MIPOL1: variants seen among roughly 807,000 people sequenced by gnomAD.
MIPOL1 encodes the protein mirror-image polydactyly gene 1 protein.
Under a neutral mutation model 60.9 loss-of-function variants are expected in MIPOL1, and 57 were observed. The observed-to-expected ratio is 0.94, with a 90% CI of 0.76 to 1.17. The LOEUF is 1.17. Ranked by LOEUF, MIPOL1 falls within the 50% of genes most tolerant of loss-of-function variation. The pLI, the probability that MIPOL1 is intolerant of heterozygous loss-of-function variation, is 0.00. For synonymous variants in MIPOL1, 179 were observed against 168.8 expected (o/e 1.06, Z -0.47); for missense variants, 551 against 511.6 (o/e 1.08, Z -0.74).
At chr14:37,457,767 CTT>C (rs1336965534) in intron 11 of MIPOL1, among the ~76,000 whole-genome samples, 5 of 152,036 alleles carry the variant, frequency 3.3e-5, no homozygotes, top group Non-Finnish European at 7.4e-5. Flanking sequence ...TTGTTCTTGT[CTT>C]TTGTAATTAC....
intron 10 of MIPOL1, 64 bp from the exon 11 acceptor site, chr14:37,422,791 G>T: frequency 3.9e-6 from 4 of 1,029,538 alleles, no homozygotes; most frequent in South Asian, 1.5e-5. Flanking sequence ...TGTTCTTACC[G>T]TGGTACTGTA....
At position 37,500,072 on chromosome 14, in the gene MIPOL1, C is replaced by G. The variant is rs763983768; in HGVS notation, c.1196C>G (p.Ala399Gly). The change falls in exon 12 of 13, where the codon GCA becomes GGA. Residue 399 changes from alanine (A) to glycine (G), a missense_variant. By Grantham distance (60) the Ala-to-Gly change is moderately conservative. Transcript: ENST00000684589. ...CTGCAACAAGCTCTGACAGAGCGAG[C>G]AAATATGGAATTACAACTTCAACAT... ...TQLQQALTER[A>G]NMELQLQHAR... 2 of 1,613,752 alleles carry G rather than the reference C, an allele frequency of 1.2e-6. No individual in the cohort carries two copies. The highest frequency in any genetic ancestry group is 1.1e-5 in the South Asian group (1 of 91,052).
At chr14:37,470,362 G>C (rs2094665877) in intron 11 of MIPOL1, among the ~76,000 whole-genome samples, 1 of 152,094 alleles carries the variant, frequency 6.6e-6, no homozygotes, top group Non-Finnish European at 1.5e-5. Context: ...GTTGAATCGT[G>C]ATCCCCAGTG....
At chr14:37,338,707 C>A (rs922800212) in intron 9 of MIPOL1, among the ~76,000 whole-genome samples, 12 of 152,102 alleles carry the variant, frequency 7.9e-5, no homozygotes, top group African/African-American at 2.7e-4. Flanking sequence ...CCATGCCCAG[C>A]CATTTTTATC....
chr14:37,419,466 C>T (rs373414577), intron 10 of MIPOL1, among the ~76,000 whole-genome samples: 9 of 152,098 alleles, frequency 5.9e-5, no homozygotes, highest in African/African-American at 7.2e-5. Context: ...ATGGGTAAAT[C>T]TTTACCTTAT....
intron 1 of MIPOL1, among the ~76,000 whole-genome samples, chr14:37,234,410 C>T (rs1463717067): frequency 1.3e-5 from 2 of 148,514 alleles, no homozygotes; most frequent in African/African-American, 2.5e-5. Context: ...TGGCTGGCCT[C>T]GAACTCCTAG....
At chr14:37,503,305 A>G (rs756887440) in intron 12 of MIPOL1, 4 of 152,196 alleles carry the variant, frequency 2.6e-5, no homozygotes, top group Non-Finnish European at 4.4e-5. Flanking sequence ...CCCATGAAAC[A>G]TAATTGTCAA....
At chr14:37,312,619 A>G (rs2087447424) in intron 9 of MIPOL1, among the ~76,000 whole-genome samples, 1 of 152,178 alleles carries the variant, frequency 6.6e-6, no homozygotes, top group Non-Finnish European at 1.5e-5. Flanking sequence ...TAAAAATGTT[A>G]TCTTTTTCAG....
chr14:37,491,785 C>T (rs1391153279), intron 11 of MIPOL1, among the ~76,000 whole-genome samples: 1 of 152,088 alleles, frequency 6.6e-6, no homozygotes, highest in East Asian at 1.9e-4. Flanking sequence ...TCTGAAAGTA[C>T]TTTAGCAGGT....
chr14:37,516,676 TATGACTTTA>T (rs2095371493), intron 12 of MIPOL1, among the ~76,000 whole-genome samples: 1 of 152,198 alleles, frequency 6.6e-6, no homozygotes, highest in Non-Finnish European at 1.5e-5. Flanking sequence ...CTTTATTTGC[TATGACTTTA>T]GAAATGTACA....
At chr14:37,359,159 C>T (rs925410485) in intron 9 of MIPOL1, among the ~76,000 whole-genome samples, 3 of 152,062 alleles carry the variant, frequency 2.0e-5, no homozygotes, top group African/African-American at 7.2e-5. Context: ...TGTGGTGTTA[C>T]TTCTGAGGCC....
intron 10 of MIPOL1, among the ~76,000 whole-genome samples, chr14:37,379,950 C>T (rs549443877): frequency 2.6e-5 from 4 of 152,076 alleles, no homozygotes; most frequent in East Asian, 1.9e-4. Flanking sequence ...GATGCATGGC[C>T]GTGTAACCCA....
chr14:37,538,215 G>T (rs1851330382), intron 12 of MIPOL1, among the ~76,000 whole-genome samples: 1 of 152,112 alleles, frequency 6.6e-6, no homozygotes, highest in Non-Finnish European at 1.5e-5. Flanking sequence ...GAAGAATAAT[G>T]AACTTTAATA....
chr14:37,423,474 A>G (rs2093910697), intron 11 of MIPOL1: 1 of 151,914 alleles, frequency 6.6e-6, no homozygotes, highest in African/African-American at 2.4e-5. Context: ...ATGAAAATGA[A>G]TAGAAATGTC....
intron 1 of MIPOL1, among the ~76,000 whole-genome samples, chr14:37,224,305 C>T (rs988099825): frequency 2.0e-5 from 3 of 152,090 alleles, no homozygotes; most frequent in Non-Finnish European, 2.9e-5. Context: ...CATAGCAAGA[C>T]CCCATCTTTA....
intron 12 of MIPOL1, chr14:37,506,569 TC>T (rs2095278426): frequency 6.6e-6 from 1 of 151,396 alleles, no homozygotes; most frequent in African/African-American, 2.4e-5. Flanking sequence ...AAAACTGGAT[TC>T]CCTTACACCT....
At chr14:37,258,702 T>G (rs1332874675) in intron 3 of MIPOL1, among the ~76,000 whole-genome samples, 1 of 152,142 alleles carries the variant, frequency 6.6e-6, no homozygotes, top group African/African-American at 2.4e-5. Context: ...TGGTGAAGGA[T>G]GTTGAAATTT....
chr14:37,327,942 G>A (rs924092861), intron 9 of MIPOL1, among the ~76,000 whole-genome samples: 4 of 152,084 alleles, frequency 2.6e-5, no homozygotes, highest in Non-Finnish European at 4.4e-5. Context: ...AAAGGAAAAT[G>A]GGTTAAATGT....
At chr14:37,270,036 C>T (rs1047223684) in intron 5 of MIPOL1, among the ~76,000 whole-genome samples, 6 of 151,994 alleles carry the variant, frequency 3.9e-5, no homozygotes, top group Non-Finnish European at 7.4e-5. Flanking sequence ...ATCATGTTGG[C>T]CAGGCTGGTC....
Sources: allele counts gnomAD v4.1 joint callset (sites outside exome capture counted in the v4.1 genomes callset), GRCh38; gene constraint gnomAD v4.1.1; transcripts MANE v1.5; gene names NCBI Gene and HGNC (gene_info 2026-07-23, HGNC 2026-07-21).